Variants in KIF7 observed in about 807,000 individuals in gnomAD.
KIF7 encodes the protein kinesin family member 7, also known as kinesin-like protein KIF7.
KIF7 carries 104 observed loss-of-function variants against 135.7 expected under a neutral mutation model. The observed-to-expected ratio is 0.77, with a 90% CI of 0.65 to 0.90. The LOEUF (loss-of-function observed/expected upper bound fraction) is 0.90. Among genes scored for constraint, KIF7 ranks in the 40% least tolerant of loss-of-function variants. The probability of loss-of-function intolerance (pLI) is 0.00; values close to 1 mark genes in which losing one functional copy is unlikely to be tolerated. For missense variants in KIF7, 2,005 were observed against 1,839.1 expected (o/e 1.09, Z -1.65); for synonymous variants, 883 against 809.4 (o/e 1.09, Z -1.54).
Position 89,648,458 on chromosome 15 carries a change from C to T in KIF7, c.1240G>A (p.Ala414Thr), listed in dbSNP as rs1219215322. ...AGGCTGTAGGCGGCGTCGGTGCAGG[C>T]CCGGTAGCGCGCGCACTCGGCGCCC... ...RLGAECARYR[A>T]CTDAAYSLLR... The change falls in exon 5 of 19, where the codon GCC becomes ACC. Residue 414 changes from alanine (A) to threonine (T), a missense_variant. Ala to Thr is a moderately conservative substitution (Grantham distance 58). Coordinates refer to ENST00000394412, the MANE Select transcript of KIF7 (RefSeq NM_198525.3). 3 of 1,073,104 alleles carry T rather than the reference C, an allele frequency of 2.8e-6. No homozygotes were observed. Among genetic ancestry groups the T allele is most frequent in the African/African-American group, 1.7e-5 (1 of 58,284 alleles). The allele number at this position is 1,073,104 out of a possible 1,614,324, so 66.5% of individuals were successfully genotyped here.
intron 7 of KIF7, 96 bp downstream of exon 7, chr15:89,646,734 T>C: frequency 1.8e-6 from 2 of 1,104,250 alleles, no homozygotes; most frequent in African/African-American, 1.5e-5. Context: ...CATGAAAGCA[T>C]GAGTGGGGGA....
chr15:89,652,615 C>T lies in KIF7; in HGVS notation c.316G>A (p.Glu106Lys). ...TGSGKTYTMG[E>K]ASVASLLEDE... ...CAGGGTCACTCACCCACACTGGCCT[C>T]CCCCATGGTGTATGTCTTCCCTGAG... is the stretch of plus-strand genomic sequence containing the variant. Residue 106 changes from glutamate (E) to lysine (K), a missense_variant, in exon 2 of 19, where the codon GAG (glutamate) becomes AAG (lysine). Glu to Lys is a moderately conservative substitution (Grantham distance 56, BLOSUM62 1). Coordinates refer to ENST00000394412, the MANE Select transcript of KIF7 (RefSeq NM_198525.3). 1 of 1,530,710 alleles carries T rather than the reference C, an allele frequency of 6.5e-7. No homozygotes were observed. Among genetic ancestry groups the T allele is most frequent in the Non-Finnish European group, 8.8e-7 (1 of 1,131,758 alleles). 94.8% of individuals were successfully genotyped at this position (1,530,710 alleles called of 1,614,324 possible).
chr15:89,645,533 G>A, intron 8 of KIF7, 82 bp from the exon 9 acceptor site: 2 of 1,098,700 alleles, frequency 1.8e-6, no homozygotes, highest in African/African-American at 1.5e-5. Flanking sequence ...GGGAAGAAGA[G>A]AGGCCACCGG....
chr15:89,631,738 G>A (rs1263585397), intron 14 of KIF7, 28 bp from the exon 15 acceptor site: 8 of 1,537,132 alleles, frequency 5.2e-6, no homozygotes, highest in Non-Finnish European at 7.0e-6. Flanking sequence ...AGGGATTAGA[G>A]AAGGAACAGG....
intron 1 of KIF7, chr15:89,621,586 C>T: frequency 3.2e-6 from 5 of 1,557,916 alleles, no homozygotes; most frequent in Non-Finnish European, 4.4e-6. Flanking sequence ...ATAATATAAT[C>T]TCCTGGAACA....
At chr15:89,642,155 G>A (rs1183918675) in intron 11 of KIF7, 48 bp downstream of exon 11, 3 of 1,578,138 alleles carry the variant, frequency 1.9e-6, no homozygotes, top group African/African-American at 2.7e-5. Flanking sequence ...TGGCAGCCTA[G>A]GAGGCAGGAG....
chr15:89,624,231 G>T (rs1161400448), downstream of KIF7: 6 of 1,613,988 alleles, frequency 3.7e-6, no homozygotes, highest in Non-Finnish European at 5.1e-6. Flanking sequence ...CACCTGTTAC[G>T]CCAAAGAAAC....
intron 1 of KIF7, among the ~76,000 whole-genome samples, chr15:89,653,539 A>C (rs1964158003): frequency 6.6e-6 from 1 of 152,094 alleles, no homozygotes; most frequent in South Asian, 2.1e-4. Context: ...TCCCCCTGGC[A>C]TCAGTCTCCC....
rs372323903 is a variant in KIF7, at chr15:89,630,271, T to C, written c.3318+16A>G. 595 of 1,612,980 alleles carry C rather than the reference T, an allele frequency of 3.7e-4. No individual in the cohort carries two copies. The highest frequency in any genetic ancestry group is 4.9e-4 in the Non-Finnish European group (574 of 1,179,348). On this transcript the variant is annotated intron_variant, in intron 16 of 18. Transcript: ENST00000394412. ...CCGCTGAGGAGGAGCTGGGGGGCCA[T>C]GGGCTGCTGGCCCACCTTGTCAAAA...
upstream of KIF7, among the ~76,000 whole-genome samples, chr15:89,660,003 C>T (rs1038182604): frequency 2.0e-5 from 3 of 152,178 alleles, no homozygotes; most frequent in Admixed American, 6.6e-5. Context: ...TGGAGACCAG[C>T]CTGGCCAACA....
chr15:89,622,802 C>T (rs1003200816), intron 1 of KIF7, among the ~76,000 whole-genome samples: 6 of 152,284 alleles, frequency 3.9e-5, no homozygotes, highest in South Asian at 2.1e-4. Flanking sequence ...GCCTACAGGC[C>T]GCCACCACCC....
At chr15:89,634,377 G>A (rs1221085038) in intron 11 of KIF7, among the ~76,000 whole-genome samples, 5 of 152,206 alleles carry the variant, frequency 3.3e-5, no homozygotes, top group African/African-American at 7.2e-5. Context: ...CGTGAGTGAC[G>A]CAGAAGACGG....
chr15:89,639,842 T>A (rs1329097511), intron 11 of KIF7, among the ~76,000 whole-genome samples: 2 of 152,072 alleles, frequency 1.3e-5, no homozygotes, highest in Non-Finnish European at 2.9e-5. Flanking sequence ...CACATGCACA[T>A]GTATGTTTAT....
At chr15:89,626,995 CTCCTT>C, downstream of KIF7, 1 of 1,614,160 alleles carries the variant, frequency 6.2e-7, no homozygotes, top group Non-Finnish European at 8.5e-7. Context: ...GTAGAAGACT[CTCCTT>C]TCAGTCGCGC....
intron 8 of KIF7, 108 bp from the exon 9 acceptor site, chr15:89,645,559 G>A: frequency 1.1e-6 from 1 of 881,032 alleles, no homozygotes; most frequent in Admixed American, 2.0e-5. Context: ...CCACCTCCCA[G>A]GGTCAATATA....
intron 11 of KIF7, among the ~76,000 whole-genome samples, chr15:89,634,321 G>C (rs1008699971): frequency 1.3e-5 from 2 of 152,170 alleles, no homozygotes; most frequent in African/African-American, 2.4e-5. Context: ...CAGGACACAG[G>C]AGCCAAGATG....
At chr15:89,625,189 C>G (rs1963497556), downstream of KIF7, 3 of 1,613,758 alleles carry the variant, frequency 1.9e-6, no homozygotes, top group Non-Finnish European at 2.5e-6. Flanking sequence ...ACCCCCCTGC[C>G]CCCGCCTCTC....
At chr15:89,649,389 A>G in intron 3 of KIF7, 22 bp from the exon 4 acceptor site, 1 of 1,447,386 alleles carries the variant, frequency 6.9e-7, no homozygotes, top group East Asian at 2.5e-5. Flanking sequence ...GAAGGCCGTG[A>G]GCCCCAGGGC....
chr15:89,632,104 G>A (rs1213127895), intron 14 of KIF7, among the ~76,000 whole-genome samples: 1 of 152,252 alleles, frequency 6.6e-6, no homozygotes, highest in Non-Finnish European at 1.5e-5. Context: ...TCTCCTGGCG[G>A]AGGGAAGTTA....
Sources: allele counts gnomAD v4.1 joint callset (sites outside exome capture counted in the v4.1 genomes callset), GRCh38; gene constraint gnomAD v4.1.1; transcripts MANE v1.5; gene names NCBI Gene and HGNC (gene_info 2026-07-23, HGNC 2026-07-21).